The following CARD10 variants were observed in gnomAD, a reference collection of about 807,000 sequenced individuals.
CARD10 encodes the protein caspase recruitment domain-containing protein 10.
In CARD10, 49 loss-of-function variants were observed where a neutral mutation model predicts 114.6. The ratio of observed to expected loss-of-function variants is 0.43; its 90% CI spans 0.34 to 0.54. CARD10 has a LOEUF of 0.54. Ranked by LOEUF, CARD10 falls within the 20% of genes least tolerant of loss-of-function variation. The pLI is 0.03. For missense variants in CARD10, 1,206 were observed against 1,397.2 expected (o/e 0.86, Z 2.18); for synonymous variants, 602 against 593.2 (o/e 1.01, Z -0.21).
chr22:37,496,580 G>C lies in CARD10; in HGVS notation c.1948-20C>G. On this transcript the variant is annotated intron_variant, in intron 12 of 19. Coordinates refer to ENST00000251973, the MANE Select transcript of CARD10 (RefSeq NM_014550.4). This position sits in a 1 kb window ranked among gnomAD's most constrained non-coding sequence, Gnocchi z 4.1. ...CCTTTGCTGGGAGAAAACCCAGGCA[G>C]GGAGGGAAAGAAGTGAGCCTCTGAG... The C allele has an allele frequency of 6.3e-7, 1 of 1,575,950 alleles. No homozygotes were observed. The highest frequency in any genetic ancestry group is 8.7e-7 in the Non-Finnish European group (1 of 1,148,104).
chr22:37,512,014 C>CTT (rs1402167582), intron 3 of CARD10: 2 of 152,202 alleles, frequency 1.3e-5, no homozygotes, highest in Admixed American at 6.5e-5. Context: ...AAGAATCAAA[C>CTT]AAGACAGCAA....
intron 2 of CARD10, 75 bp downstream of exon 2, chr22:37,517,896 C>T (rs1923894924): frequency 5.2e-6 from 8 of 1,547,198 alleles, no homozygotes; most frequent in Non-Finnish European, 7.0e-6. Flanking sequence ...GTGGGAGCGC[C>T]TCCCTAACAG....
In CARD10 at chr22:37,492,867, A is replaced by G; in HGVS notation, c.2477-65T>C. On this transcript the variant is annotated intron_variant, in intron 16 of 19. Transcript: ENST00000251973. This position sits in a 1 kb window ranked among gnomAD's most constrained non-coding sequence, Gnocchi z 5.7. ...GCAGGCAGCATACCAGCTCGTCGATACCCCAAAACCCACCCCGCCACCCAT... is the reference window on the plus strand; with the variant it reads ...GCAGGCAGCATACCAGCTCGTCGATGCCCCAAAACCCACCCCGCCACCCAT... 1 of 1,519,286 alleles carries G rather than the reference A, an allele frequency of 6.6e-7. No homozygotes were observed. The highest frequency in any genetic ancestry group is 8.8e-7 in the Non-Finnish European group (1 of 1,130,006). The allele number at this position is 1,519,286 out of a possible 1,614,324, so 94.1% of individuals were successfully genotyped here.
Position 37,492,504 on chromosome 22 carries a change from G to T in CARD10, c.2682C>A (p.Ala894=), listed in dbSNP as rs764508252. 66 of 1,604,510 alleles carry T rather than the reference G, an allele frequency of 4.1e-5. 2 individuals carry two copies. The South Asian group carries it at 7.3e-4, about 18-fold the overall frequency. Residue 894 remains alanine (A), a synonymous_variant, in exon 18 of 20, where the codon GCC becomes GCA. Coordinates refer to ENST00000251973, the MANE Select transcript of CARD10 (RefSeq NM_014550.4). This position sits in a 1 kb window ranked among gnomAD's most constrained non-coding sequence, Gnocchi z 5.7. ...EELCPSSAPG[A]PKAQPATPGL... ...CAGGGGTGGCAGGCTGAGCCTTGGG[G>T]GCTCCAGGCGCTGAGGATGGGCACA... is the stretch of plus-strand genomic sequence containing the variant.
intron 3 of CARD10, among the ~76,000 whole-genome samples, chr22:37,512,662 C>A (rs1477347664): frequency 6.6e-6 from 1 of 152,112 alleles, no homozygotes; most frequent in East Asian, 1.9e-4. Flanking sequence ...AGAAAGACAG[C>A]TCGTTACAAG....
At position 37,510,405 on chromosome 22, in the gene CARD10, A is replaced by C. The variant is rs1417898248; in HGVS notation, c.716T>G (p.Leu239Arg). Residue 239 changes from leucine (L) to arginine (R), a missense_variant, in exon 4 of 20, where the codon CTC becomes CGC. Transcript: ENST00000251973. ...CTCTTCCTCCAGCCGACTCACTTTG[A>C]GCTTGAGCTGATCCACCTGGAGCCC... is the stretch of plus-strand genomic sequence containing the variant. Reference protein sequence around the residue: ...DLQLAVDQLKLKVSRLEEECA... With the variant: ...DLQLAVDQLKRKVSRLEEECA... The C allele has an allele frequency of 6.2e-7, 1 of 1,613,634 alleles. No homozygotes were observed. The highest frequency in any genetic ancestry group is 8.5e-7 in the Non-Finnish European group (1 of 1,179,988).
chr22:37,515,334 G>A (rs371927374), intron 3 of CARD10, among the ~76,000 whole-genome samples: 3 of 151,988 alleles, frequency 2.0e-5, no homozygotes, highest in African/African-American at 4.8e-5. Context: ...AGGCCGAGGC[G>A]GGCAGATCAC....
At chr22:37,494,027 G>T in intron 16 of CARD10, 59 bp downstream of exon 16, 4 of 1,273,164 alleles carry the variant, frequency 3.1e-6, no homozygotes, top group Non-Finnish European at 4.5e-6. Flanking sequence ...ACACTCAGCT[G>T]CACACATCCC....
At chr22:37,506,093 G>C (rs1923395051) in intron 7 of CARD10, 99 bp downstream of exon 7, 4 of 938,848 alleles carry the variant, frequency 4.3e-6, no homozygotes, top group Middle Eastern at 3.6e-4. Flanking sequence ...CCCTGGCTGA[G>C]GTCTCCCACC....
At chr22:37,508,857 T>C in intron 4 of CARD10, 175 bp from the exon 5 acceptor site, 1 of 1,173,588 alleles carries the variant, frequency 8.5e-7, no homozygotes. Context: ...AGAGTGGGTG[T>C]GGCCCCACAA....
intron 1 of CARD10, 60 bp downstream of exon 1, chr22:37,518,906 G>T: frequency 6.8e-7 from 1 of 1,464,318 alleles, no homozygotes; most frequent in Non-Finnish European, 9.0e-7. Context: ...ACGGCTGTGG[G>T]CGCTGCGCCC....
At chr22:37,505,028 C>T (rs1483375083) in intron 7 of CARD10, among the ~76,000 whole-genome samples, 3 of 152,198 alleles carry the variant, frequency 2.0e-5, no homozygotes, top group African/African-American at 7.2e-5. Context: ...TCCAAGTACT[C>T]TCCAAAGAAA....
chr22:37,512,851 T>A (rs1459629243), intron 3 of CARD10, among the ~76,000 whole-genome samples: 1 of 152,042 alleles, frequency 6.6e-6, no homozygotes, highest in Non-Finnish European at 1.5e-5. Context: ...GAGCACAAAA[T>A]TATAGCGTTC....
chr22:37,519,112 C>A lies in CARD10; in HGVS notation c.89G>T (p.Arg30Leu). The A allele has an allele frequency of 1.9e-6, 3 of 1,584,902 alleles. No individual in the cohort carries two copies. The highest frequency in any genetic ancestry group is 2.6e-6 in the Non-Finnish European group (3 of 1,172,840). Reference protein sequence around the residue: ...SEAEEDALWERIEGVRHRLAR... With the variant: ...SEAEEDALWELIEGVRHRLAR... ...CAGCCGATGCCGGACGCCCTCGATT[C>A]GCTCCCACAGCGCGTCCTCCTCCGC... Residue 30 changes from arginine (R) to leucine (L), a missense_variant, in exon 1 of 20, where the codon CGA (arginine) becomes CTA (leucine). Physicochemically the swap from Arg to Leu is moderately radical, Grantham distance 102. This residue lies in a region of CARD10 where 138 missense variants were observed against 218.0 expected (regional missense o/e 0.63). Transcript: ENST00000251973. The surrounding 1 kb of genome is among the most constrained non-coding windows in gnomAD (Gnocchi z 4.1).
At position 37,496,559 on chromosome 22, in the gene CARD10, T is replaced by C. The variant is rs770909825; in HGVS notation, c.1949A>G (p.Gln650Arg). ...PGSARMEPREQRVEAAGLEGA... is the reference protein window; with the variant it reads ...PGSARMEPRERRVEAAGLEGA... ...CTCCAGACCAGCAGCTTCCACCCTT[T>C]GCTGGGAGAAAACCCAGGCAGGGAG... Residue 650 changes from glutamine to arginine, a missense_variant and splice_region_variant, in exon 13 of 20, where the codon CAA (glutamine) becomes CGA (arginine). This residue lies in a region of CARD10 where 1,068 missense variants were observed against 1,179.1 expected (regional missense o/e 0.91). Transcript: ENST00000251973. This position sits in a 1 kb window ranked among gnomAD's most constrained non-coding sequence, Gnocchi z 4.1. The C allele has an allele frequency of 6.2e-6, 10 of 1,611,382 alleles. No individual in the cohort carries two copies. The highest frequency in any genetic ancestry group is 8.5e-6 in the Non-Finnish European group (10 of 1,178,412).
intron 1 of CARD10, 61 bp downstream of exon 1, chr22:37,518,905 G>C: frequency 3.4e-6 from 5 of 1,463,204 alleles, no homozygotes; most frequent in Non-Finnish European, 4.5e-6. Flanking sequence ...CACGGCTGTG[G>C]GCGCTGCGCC....
chr22:37,508,464 T>G (rs1033328718), intron 5 of CARD10, 63 bp downstream of exon 5: 13 of 1,475,462 alleles, frequency 8.8e-6, no homozygotes, highest in Non-Finnish European at 1.2e-5. Context: ...AGGGAAGGCG[T>G]GAGCACACAG....
chr22:37,492,545 G>A lies in CARD10; in HGVS notation c.2641C>T (p.Leu881Phe). 1.2e-6 allele frequency: 2 copies of A among 1,601,624 alleles called. No homozygotes were observed. The highest frequency in any genetic ancestry group is 2.2e-5 in the East Asian group (1 of 44,722). ...LDFQVCPAESLSGEELCPSSA... is the reference protein window; with the variant it reads ...LDFQVCPAESFSGEELCPSSA... The stretch of plus-strand genomic sequence containing the variant: ...GATGGGCACAGTTCCTCCCCAGAGA[G>A]GCTTTCTGCACAGGGAGTGGAGAGG... The change falls in exon 18 of 20, where the codon CTC (leucine) becomes TTC (phenylalanine). Residue 881 changes from leucine to phenylalanine, a missense_variant. Physicochemically the swap from Leu to Phe is conservative, Grantham distance 22 (BLOSUM62 0). This residue lies in a region of CARD10 where 1,068 missense variants were observed against 1,179.1 expected (regional missense o/e 0.91). Coordinates refer to ENST00000251973, the MANE Select transcript of CARD10 (RefSeq NM_014550.4). The surrounding 1 kb of genome is among the most constrained non-coding windows in gnomAD (Gnocchi z 5.7).
chr22:37,511,540 G>GAA (rs201819800), intron 3 of CARD10, among the ~76,000 whole-genome samples: 7 of 114,378 alleles, frequency 6.1e-5, no homozygotes, highest in Admixed American at 9.8e-5. Context: ...GAAAGAAGGA[G>GAA]AAAAAAAAAA....
Sources: gnomAD v4.1 joint callset for allele counts (sites outside exome capture counted in the v4.1 genomes callset) on GRCh38, gnomAD v4.1.1 for gene constraint, gnomAD v4.1.1 regional missense constraint, Gnocchi (gnomAD v3.1) non-coding constraint, MANE v1.5 for transcripts, NCBI Gene and HGNC (gene_info 2026-07-23, HGNC 2026-07-21) for gene names.